BPI: variants seen among roughly 807,000 people sequenced by gnomAD.
BPI encodes the protein bactericidal permeability increasing protein.
Under a neutral mutation model 57.6 loss-of-function variants are expected in BPI, and 48 were observed. That is an observed-to-expected ratio of 0.83 (90% CI 0.66 to 1.06). BPI has a LOEUF of 1.06. Ranked by LOEUF, BPI falls within the 50% of genes least tolerant of loss-of-function variation. The pLI, the probability that BPI is intolerant of heterozygous loss-of-function variation, is 0.00. For missense variants in BPI, 651 were observed against 609.7 expected, an observed-to-expected ratio of 1.07 and a Z score of -0.71; for synonymous variants, 237 against 238.2, an observed-to-expected ratio of 0.99 and a Z score of 0.05.
At chr20:38,323,659 G>C (rs1428301771) in intron 7 of BPI, among the ~76,000 whole-genome samples, 1 of 152,208 alleles carries the variant, frequency 6.6e-6, no homozygotes, top group East Asian at 1.9e-4. Context: ...TATAAGATGA[G>C]CATAATTATA....
At chr20:38,331,231 G>A in intron 12 of BPI, 141 bp downstream of exon 12, 1 of 1,050,934 alleles carries the variant, frequency 9.5e-7, no homozygotes, top group Admixed American at 2.4e-5. Context: ...AGTTCAAGGA[G>A]CTTCGTGGGC....
Position 38,307,649 on chromosome 20 carries a change from G to A in BPI, c.213G>A (p.Lys71=). ...IPDYSDSFKI[K]HLGKGHYSFY... is the part of the protein sequence containing the mutation. ...ACTACTCAGACAGCTTTAAGATCAA[G>A]CATCTTGGGAAGGGGCATTATAGCT... The change falls in exon 2 of 15, where the codon AAG becomes AAA. Residue 71 remains lysine (K), a synonymous_variant. Coordinates refer to ENST00000642449, the MANE Select transcript of BPI (RefSeq NM_001725.3). 6.2e-7 allele frequency: 1 copy of A among 1,612,100 alleles called. No homozygotes were observed. The highest frequency in any genetic ancestry group is 1.3e-5 in the African/African-American group (1 of 74,924).
At position 38,315,495 on chromosome 20, in the gene BPI, C is replaced by T. The variant is rs147128035; in HGVS notation, c.601-2918C>T. 2.2e-3 allele frequency among the ~76,000 whole-genome samples: 337 copies of T among 152,280 alleles called. 5 individuals are homozygous for T. In the East Asian group the frequency reaches 0.043, roughly 19 times the overall value. On this transcript the variant is annotated intron_variant, in intron 5 of 14. Transcript: ENST00000642449. The stretch of plus-strand genomic sequence containing the variant: ...GCTGGGATCCCACCAGGATTTGCTG[C>T]GATCTGGAGCCATCTGTTGGCCCTG...
chr20:38,324,136 C>T lies in BPI; in HGVS notation c.933+90C>T. 9 of 1,441,446 alleles carry T rather than the reference C, an allele frequency of 6.2e-6. No individual in the cohort carries two copies. The South Asian group carries it at 1.1e-4, about 18-fold the overall frequency. The allele number at this position is 1,441,446 out of a possible 1,614,324, so 89.3% of individuals were successfully genotyped here. A position where few individuals can be genotyped will look rare whatever the true frequency, so the allele number is the denominator to read the frequency against. ...ACAAATCTGGAAAAAGCTTTTCTCA[C>T]ATTGGGGTAGGTTAAAGTGTTGACT... On this transcript the variant is annotated intron_variant, in intron 8 of 14. Transcript: ENST00000642449.
intron 5 of BPI, chr20:38,317,785 T>C: frequency 7.0e-7 from 1 of 1,424,834 alleles, no homozygotes; most frequent in South Asian, 1.2e-5. Context: ...GAGGTCTAGA[T>C]AAATGGAACA....
rs116227767 is a variant in BPI at position 38,309,076 on chromosome 20, C to T, written c.374+18C>T. 3.2e-4 allele frequency: 517 copies of T among 1,613,668 alleles called. 3 individuals are homozygous for T. In the African/African-American group the frequency reaches 5.5e-3, roughly 17 times the overall value. On this transcript the variant is annotated intron_variant, in intron 3 of 14. Transcript: ENST00000642449. ...AGATTCTTGTGCGTTTCCATGCTTG[C>T]GGTTTGTTGGGTGTGCTCTTGGTGA...
At chr20:38,330,602 T>C (rs1568819007) in intron 11 of BPI, among the ~76,000 whole-genome samples, 1 of 152,242 alleles carries the variant, frequency 6.6e-6, no homozygotes, top group Non-Finnish European at 1.5e-5. Context: ...ATCTCTTGGC[T>C]TTGCTATCCT....
intron 6 of BPI, 119 bp downstream of exon 6, chr20:38,318,595 T>G: frequency 9.4e-7 from 1 of 1,062,240 alleles, no homozygotes; most frequent in Non-Finnish European, 1.5e-6. Context: ...TGGGTGGGAA[T>G]GAGCAGAGTA....
chr20:38,329,222 G>C (rs1219467133), intron 11 of BPI, among the ~76,000 whole-genome samples: 1 of 151,664 alleles, frequency 6.6e-6, no homozygotes, highest in Non-Finnish European at 1.5e-5. Context: ...GGGAGTCGGG[G>C]GGCAGAGAGA....
chr20:38,309,904 T>G (rs2076614133), intron 3 of BPI, among the ~76,000 whole-genome samples: 1 of 152,100 alleles, frequency 6.6e-6, no homozygotes. Flanking sequence ...TGCCCGCCCT[T>G]ACAAGAACTG....
intron 11 of BPI, 75 bp from the exon 12 acceptor site, chr20:38,330,973 T>C: frequency 6.5e-7 from 1 of 1,543,210 alleles, no homozygotes; most frequent in Non-Finnish European, 8.9e-7. Context: ...AGAGTGGGTC[T>C]CTCCTCTCTA....
At chr20:38,325,270 G>A (rs1416948761) in intron 9 of BPI, among the ~76,000 whole-genome samples, 1 of 123,046 alleles carries the variant, frequency 8.1e-6, no homozygotes, top group Non-Finnish European at 1.6e-5. Context: ...TAGACAAGGT[G>A]GTCAAGGACG....
At chr20:38,315,055 G>A (rs1055411933) in intron 5 of BPI, among the ~76,000 whole-genome samples, 2 of 152,084 alleles carry the variant, frequency 1.3e-5, no homozygotes, top group Non-Finnish European at 2.9e-5. Context: ...ATAATATACT[G>A]AGTGTTTACA....
At position 38,307,613 on chromosome 20, in the gene BPI, C is replaced by A; in HGVS notation, c.177C>A (p.Ile59=). Reference sequence around the variant, plus strand: ...CTCTGCAGAAGGAGCTGAAGAGGATCAAGATTCCTGACTACTCAGACAGCT... The same window carrying A: ...CTCTGCAGAAGGAGCTGAAGAGGATAAAGATTCCTGACTACTCAGACAGCT... ...TAALQKELKR[I]KIPDYSDSFK... The change falls in exon 2 of 15, where the codon ATC becomes ATA. Residue 59 remains isoleucine, a synonymous_variant. Transcript: ENST00000642449. The A allele has an allele frequency of 1.2e-6, 2 of 1,611,096 alleles. No homozygotes were observed. Among genetic ancestry groups the A allele is most frequent in the Non-Finnish European group, 1.7e-6 (2 of 1,179,158 alleles).
At chr20:38,317,538 C>T (rs1326556410) in intron 5 of BPI, 1 of 651,242 alleles carries the variant, frequency 1.5e-6, no homozygotes, top group African/African-American at 1.8e-5. Context: ...AGGGCTTGGG[C>T]TTCTCGTAGC....
chr20:38,307,740 C>T (rs1341880588), intron 2 of BPI, 59 bp downstream of exon 2: 1 of 1,376,344 alleles, frequency 7.3e-7, no homozygotes, highest in Non-Finnish European at 1.0e-6. Context: ...CTGGGGACAC[C>T]AAGAGCTAGA....
intron 5 of BPI, chr20:38,317,909 G>T (rs986202140): frequency 3.0e-6 from 3 of 985,260 alleles, no homozygotes; most frequent in African/African-American, 3.5e-5. Flanking sequence ...GAGTGGCAAA[G>T]GCAGGTAGGG....
At chr20:38,310,396 G>C in intron 3 of BPI, 95 bp from the exon 4 acceptor site, 2 of 1,450,718 alleles carry the variant, frequency 1.4e-6, no homozygotes, top group Non-Finnish European at 1.9e-6. Context: ...CTGGAGTGGG[G>C]ATAATAACAA....
chr20:38,316,482 T>C (rs1600703165), intron 5 of BPI, among the ~76,000 whole-genome samples: 1 of 152,324 alleles, frequency 6.6e-6, no homozygotes, highest in East Asian at 1.9e-4. Flanking sequence ...GCCTGGGTAC[T>C]GGCCACATGT....
Sources: allele counts gnomAD v4.1 joint callset (sites outside exome capture counted in the v4.1 genomes callset), GRCh38; gene constraint gnomAD v4.1.1; transcripts MANE v1.5; gene names NCBI Gene and HGNC (gene_info 2026-07-23, HGNC 2026-07-21).